Variants in KIAA1217 observed in about 807,000 individuals in gnomAD.
KIAA1217 encodes KIAA1217.
Under a neutral mutation model 163.9 loss-of-function variants are expected in KIAA1217, and 88 were observed. The observed-to-expected ratio is 0.54, with a 90% CI of 0.45 to 0.64. The LOEUF is 0.64. KIAA1217 is among the 30% of genes least tolerant of loss of function. KIAA1217 has a pLI of 0.00. For synonymous variants in KIAA1217, 903 were observed against 923.1 expected (o/e 0.98, Z 0.39); for missense variants, 2,372 against 2,475.0 (o/e 0.96, Z 0.88).
intron 3 of KIAA1217, among the ~76,000 whole-genome samples, chr10:24,389,559 A>G (rs145050645): frequency 0.019 from 2,852 of 152,048 alleles, 38 homozygotes; most frequent in African/African-American, 0.021. Context: ...ATAAAAAAAA[A>G]AAAGAAAGAA....
At chr10:24,078,601 T>C (rs891252158) in intron 2 of KIAA1217, among the ~76,000 whole-genome samples, 43 of 152,206 alleles carry the variant, frequency 2.8e-4, no homozygotes, top group African/African-American at 9.9e-4. Flanking sequence ...TTCATCTTTC[T>C]GAACTTGTGT....
chr10:24,504,102 AGG>A (rs1468657534), intron 9 of KIAA1217, among the ~76,000 whole-genome samples: 1 of 152,150 alleles, frequency 6.6e-6, no homozygotes, highest in Middle Eastern at 3.2e-3. Context: ...GCCGGCTGGG[AGG>A]GATCTCTCAC....
At chr10:23,751,466 A>G (rs1056121859) in intron 1 of KIAA1217, among the ~76,000 whole-genome samples, 4 of 152,218 alleles carry the variant, frequency 2.6e-5, no homozygotes, top group African/African-American at 9.6e-5. Flanking sequence ...AAGTATGCAG[A>G]AAATGAGTCT....
At chr10:23,852,330 A>T (rs1839390574) in intron 1 of KIAA1217, among the ~76,000 whole-genome samples, 1 of 151,934 alleles carries the variant, frequency 6.6e-6, no homozygotes, top group South Asian at 2.1e-4. Context: ...GTTGTAGATA[A>T]GCGGCGCTAT....
intron 2 of KIAA1217, chr10:24,158,133 G>A (rs947410684): frequency 2.7e-6 from 2 of 753,772 alleles, no homozygotes; most frequent in Non-Finnish European, 5.0e-6. Flanking sequence ...TCTAGCCTGG[G>A]ATTTGGATCA....
At chr10:24,176,518 A>T (rs969976705) in intron 2 of KIAA1217, among the ~76,000 whole-genome samples, 1 of 152,040 alleles carries the variant, frequency 6.6e-6, no homozygotes, top group African/African-American at 2.4e-5. Context: ...GTGCATTTAC[A>T]AACCCTTGGC....
At chr10:24,371,834 A>G (rs139950013) in intron 2 of KIAA1217, among the ~76,000 whole-genome samples, 10 of 152,348 alleles carry the variant, frequency 6.6e-5, no homozygotes, top group African/African-American at 2.4e-4. Context: ...CCTCTGATCT[A>G]TTCTTTAAAA....
chr10:24,210,766 T>C (rs1362060613), intron 1 of KIAA1217, among the ~76,000 whole-genome samples: 1 of 152,160 alleles, frequency 6.6e-6, no homozygotes, highest in Non-Finnish European at 1.5e-5. Flanking sequence ...CTAAAAATAC[T>C]TGCCTTCATT....
chr10:24,521,954 G>T, intron 12 of KIAA1217, 25 bp downstream of exon 12: 2 of 1,596,170 alleles, frequency 1.3e-6, no homozygotes, highest in Non-Finnish European at 1.7e-6. Context: ...ATCGTGCTGG[G>T]GGTGGCCTGC....
chr10:24,525,852 T>C (rs1243078161), intron 13 of KIAA1217, among the ~76,000 whole-genome samples: 2 of 152,022 alleles, frequency 1.3e-5, no homozygotes, highest in African/African-American at 4.8e-5. Context: ...TAGCTGGGCA[T>C]GGTGGCGCGT....
intron 9 of KIAA1217, among the ~76,000 whole-genome samples, chr10:24,503,669 T>C (rs1220571382): frequency 1.3e-5 from 2 of 152,232 alleles, no homozygotes; most frequent in African/African-American, 4.8e-5. Context: ...ATTACCGCCA[T>C]TTAAAAATGT....
chr10:24,526,231 C>T lies in KIAA1217; in HGVS notation c.2898+1467C>T, dbSNP rs139561848. On this transcript the variant is annotated intron_variant, in intron 13 of 20. Transcript: ENST00000376454. ...TCGAGACGACCTGGCAAAACTGCCA[C>T]AGCCACGGTCGCAGCCTCGGGGCCT... is the stretch of plus-strand genomic sequence containing the variant. Among the ~76,000 whole-genome samples the T allele has an allele frequency of 8.3e-4, 126 of 152,214 alleles. 1 individual carries two copies. Among genetic ancestry groups the T allele is most frequent in the African/African-American group, 3.0e-3 (123 of 41,536 alleles).
At chr10:24,023,511 G>C (rs1374899456) in intron 2 of KIAA1217, among the ~76,000 whole-genome samples, 1 of 151,512 alleles carries the variant, frequency 6.6e-6, no homozygotes, top group African/African-American at 2.4e-5. Context: ...GCTGTGTACT[G>C]GAAATACCAA....
intron 3 of KIAA1217, among the ~76,000 whole-genome samples, chr10:24,422,922 T>TTTTTTA (rs2058857279): frequency 6.8e-6 from 1 of 146,062 alleles, no homozygotes; most frequent in African/African-American, 2.6e-5. Flanking sequence ...TTTTTTTTTT[T>TTTTTTA]GAGACAGAGT....
chr10:24,390,459 A>G (rs1323285805), intron 3 of KIAA1217, among the ~76,000 whole-genome samples: 1 of 94,556 alleles, frequency 1.1e-5, no homozygotes, highest in Non-Finnish European at 1.9e-5. Flanking sequence ...GGGGGAAAAA[A>G]GGAGGGAGGG....
chr10:24,284,185 G>A (rs1039197373), intron 2 of KIAA1217, among the ~76,000 whole-genome samples: 15 of 152,086 alleles, frequency 9.9e-5, no homozygotes, highest in Admixed American at 9.8e-4. Context: ...TGGGATTATA[G>A]GTGTGAGCTA....
At chr10:24,266,740 G>C (rs184938902) in intron 2 of KIAA1217, among the ~76,000 whole-genome samples, 13 of 152,294 alleles carry the variant, frequency 8.5e-5, no homozygotes, top group Non-Finnish European at 1.5e-4. Flanking sequence ...ATTAAAAAAA[G>C]GGCATTCTGA....
At chr10:24,170,484 G>T (rs1202920333) in intron 2 of KIAA1217, among the ~76,000 whole-genome samples, 1 of 152,148 alleles carries the variant, frequency 6.6e-6, no homozygotes, top group Non-Finnish European at 1.5e-5. Flanking sequence ...GAGTCAGTGG[G>T]TTTCACAGGG....
intron 6 of KIAA1217, among the ~76,000 whole-genome samples, chr10:24,488,021 G>A (rs942795227): frequency 5.3e-5 from 8 of 152,226 alleles, no homozygotes; most frequent in African/African-American, 1.7e-4. Context: ...ACCAGAGACT[G>A]TTCAGACAGT....
Sources: allele counts gnomAD v4.1 joint callset (sites outside exome capture counted in the v4.1 genomes callset), GRCh38; gene constraint gnomAD v4.1.1; transcripts MANE v1.5; gene names NCBI Gene and HGNC (gene_info 2026-07-23, HGNC 2026-07-21).